The following RASGRF1 variants were observed in gnomAD, a reference collection of about 807,000 sequenced individuals.
The protein encoded by RASGRF1 is ras-specific guanine nucleotide-releasing factor 1.
Under a neutral mutation model 138.7 loss-of-function variants are expected in RASGRF1, and 40 were observed. The observed-to-expected ratio is 0.29, with a 90% CI of 0.22 to 0.38. The LOEUF (loss-of-function observed/expected upper bound fraction) is 0.38, where lower values mean the gene tolerates loss of function less well. Ranked by LOEUF, RASGRF1 falls within the 10% of genes least tolerant of loss-of-function variation. The pLI, the probability that RASGRF1 is intolerant of heterozygous loss-of-function variation, is 1.00. For missense variants in RASGRF1, 1,108 were observed against 1,650.4 expected, an observed-to-expected ratio of 0.67 and a Z score of 5.69; for synonymous variants, 614 against 663.2, an observed-to-expected ratio of 0.93 and a Z score of 1.14.
At chr15:79,071,018 C>A (rs1407484894) in intron 1 of RASGRF1, among the ~76,000 whole-genome samples, 1 of 152,244 alleles carries the variant, frequency 6.6e-6, no homozygotes, top group African/African-American at 2.4e-5. Context: ...TTATCCTCTG[C>A]TGGTCTCCAG....
At chr15:79,045,342 C>T (rs1398478295) in intron 5 of RASGRF1, among the ~76,000 whole-genome samples, 1 of 152,206 alleles carries the variant, frequency 6.6e-6, no homozygotes, top group Non-Finnish European at 1.5e-5. Flanking sequence ...CATTCAAATT[C>T]CAGGTCACTG....
At chr15:78,975,850 A>T (rs773275464) in intron 24 of RASGRF1, among the ~76,000 whole-genome samples, 2 of 152,128 alleles carry the variant, frequency 1.3e-5, no homozygotes, top group Non-Finnish European at 2.9e-5. Context: ...TCATACTCCA[A>T]GTCTGAAGCC....
Position 78,973,988 on chromosome 15 carries a change from C to A in RASGRF1, c.3495-568G>T, listed in dbSNP as rs2055823833. Among the ~76,000 whole-genome samples the A allele has an allele frequency of 6.6e-6, 1 of 152,224 alleles. No individual in the cohort carries two copies. The highest frequency in any genetic ancestry group is 1.5e-5 in the Non-Finnish European group (1 of 68,034). On this transcript the variant is annotated intron_variant, in intron 24 of 26. Transcript: ENST00000558480. This position sits in a 1 kb window ranked among gnomAD's most constrained non-coding sequence, Gnocchi z 4.9. ...GCAGGAAACCCTTGCTCTCTGAGATCACTTTCCTGAAAGTGGCTTTGGGGC... is the reference window on the plus strand; with the variant it reads ...GCAGGAAACCCTTGCTCTCTGAGATAACTTTCCTGAAAGTGGCTTTGGGGC...
Position 78,978,698 on chromosome 15 carries a change from C to T in RASGRF1, c.3494+1922G>A, listed in dbSNP as rs1420521403. 9.7e-6 allele frequency: 10 copies of T among 1,032,380 alleles called. No homozygotes were observed. The African/African-American group carries it at 1.2e-4, about 12-fold the overall frequency. 64.0% of individuals were successfully genotyped at this position (1,032,380 alleles called of 1,614,324 possible). ...CCCGTCCCCTGCCTAGTGAAACAGA[C>T]GCTCAGTATTCATGCAACACCGCTC... On this transcript the variant is annotated intron_variant, in intron 24 of 26. Coordinates refer to ENST00000558480, the MANE Select transcript of RASGRF1 (RefSeq NM_001145648.3).
chr15:79,068,576 A>G (rs529062743), intron 1 of RASGRF1, among the ~76,000 whole-genome samples: 1 of 148,762 alleles, frequency 6.7e-6, no homozygotes, highest in South Asian at 2.1e-4. Context: ...TGTATCATAT[A>G]TATATACATA....
In RASGRF1 at chr15:78,963,408, T is replaced by C. The variant is rs569447357; in HGVS notation, c.3682-1172A>G. On this transcript the variant is annotated intron_variant, in intron 26 of 26. Transcript: ENST00000558480. ...CCTCTGCCTCCCGGGTTCAAGCAAT[T>C]GTCCTGTCTCAGCCTCCTGAGTAGT... 2.6e-5 allele frequency among the ~76,000 whole-genome samples: 4 copies of C among 152,164 alleles called. No homozygotes were observed. In the East Asian group the frequency reaches 7.7e-4, roughly 29 times the overall value.
chr15:79,068,731 C>T (rs1381722907), intron 1 of RASGRF1, among the ~76,000 whole-genome samples: 2 of 152,016 alleles, frequency 1.3e-5, no homozygotes, highest in Non-Finnish European at 2.9e-5. Flanking sequence ...TCTGGATAGG[C>T]CTTGGGTTGT....
At chr15:78,988,415 C>T (rs547616844) in intron 22 of RASGRF1, among the ~76,000 whole-genome samples, 45 of 152,260 alleles carry the variant, frequency 3.0e-4, no homozygotes, top group Middle Eastern at 3.4e-3. Flanking sequence ...TTATGTTTCC[C>T]GAGGCTTGGT....
At chr15:79,079,858 G>T (rs1208506904) in intron 1 of RASGRF1, among the ~76,000 whole-genome samples, 1 of 152,146 alleles carries the variant, frequency 6.6e-6, no homozygotes, top group African/African-American at 2.4e-5. Flanking sequence ...CATTCCCCAG[G>T]CTTCTCCAAG....
rs577416088 is a variant in RASGRF1, at chr15:78,995,780, G to A, written c.2987C>T (p.Pro996Leu). 1.2e-6 allele frequency: 2 copies of A among 1,614,140 alleles called. No individual in the cohort carries two copies. The highest frequency in any genetic ancestry group is 1.7e-5 in the Admixed American group (1 of 60,028). ...NIIRTLTQED[P>L]GDNQITLEEI... is the part of the protein sequence containing the mutation. ...CTCCAGCGTGATCTGGTTGTCACCT[G>A]GGTCCTCCTGGGTCAGAGTCCTAGG... is the stretch of plus-strand genomic sequence containing the variant. Residue 996 changes from proline to leucine, a missense_variant, in exon 20 of 27, where the codon CCA becomes CTA. This residue lies in a region of RASGRF1 where 686 missense variants were observed against 976.7 expected (regional missense o/e 0.70). Coordinates refer to ENST00000558480, the MANE Select transcript of RASGRF1 (RefSeq NM_001145648.3).
chr15:79,003,994 C>T lies in RASGRF1; in HGVS notation c.2257G>A (p.Ala753Thr), dbSNP rs754310235. Residue 753 changes from alanine (A) to threonine (T), a missense_variant, in exon 15 of 27, where the codon GCC becomes ACC. Ala to Thr is a moderately conservative substitution (Grantham distance 58). Coordinates refer to ENST00000558480, the MANE Select transcript of RASGRF1 (RefSeq NM_001145648.3). ...LNIPIITGGK[A>T]LDLAALSCNS... ...CAGCTGAGGGCGGCCAGGTCCAGGGCCTTGCCGCCAGTGATGATGGGGATG... is the reference window on the plus strand; with the variant it reads ...CAGCTGAGGGCGGCCAGGTCCAGGGTCTTGCCGCCAGTGATGATGGGGATG... The T allele has an allele frequency of 1.2e-6, 2 of 1,614,006 alleles. No individual in the cohort carries two copies. The highest frequency in any genetic ancestry group is 1.7e-6 in the Non-Finnish European group (2 of 1,180,016).
intron 1 of RASGRF1, among the ~76,000 whole-genome samples, chr15:79,066,479 AG>A (rs2057682575): frequency 6.6e-6 from 1 of 152,220 alleles, no homozygotes. Flanking sequence ...GGCACAGTGG[AG>A]TTGCTGGGTC....
Position 78,983,123 on chromosome 15 carries a change from C to T in RASGRF1, c.3414+1884G>A, listed in dbSNP as rs567026955. Among the ~76,000 whole-genome samples, 22 of 152,246 alleles carry T rather than the reference C, an allele frequency of 1.4e-4. 1 individual carries two copies. The South Asian group carries it at 1.5e-3, about 10-fold the overall frequency. On this transcript the variant is annotated intron_variant, in intron 23 of 26. Coordinates refer to ENST00000558480, the MANE Select transcript of RASGRF1 (RefSeq NM_001145648.3). ...TAGAGGGTCTCCAGTGTCCATGGGA[C>T]GCCTGTAGAGAGAGAATGAACTGCC... is the stretch of plus-strand genomic sequence containing the variant.
intron 14 of RASGRF1, 45 bp from the exon 15 acceptor site, chr15:79,004,220 C>A: frequency 1.3e-6 from 2 of 1,513,376 alleles, no homozygotes; most frequent in Non-Finnish European, 1.8e-6. Flanking sequence ...CGTAGGCCTG[C>A]CTGCCCGCCT....
At chr15:79,054,753 T>C (rs1221699911) in intron 3 of RASGRF1, among the ~76,000 whole-genome samples, 1 of 152,176 alleles carries the variant, frequency 6.6e-6, no homozygotes, top group Non-Finnish European at 1.5e-5. Flanking sequence ...TTGGAGGGTG[T>C]TACTGCAGCA....
intron 1 of RASGRF1, 47 bp from the exon 2 acceptor site, chr15:79,064,573 C>T (rs1262561578): frequency 6.4e-7 from 1 of 1,553,838 alleles, no homozygotes. Context: ...GTCCATGGGA[C>T]CAACAACGAC....
At chr15:79,043,889 G>A (rs539314507) in intron 5 of RASGRF1, among the ~76,000 whole-genome samples, 13 of 152,156 alleles carry the variant, frequency 8.5e-5, no homozygotes, top group Non-Finnish European at 1.5e-4. Flanking sequence ...TCTGACAAAG[G>A]GTTACTCTTC....
Position 79,078,157 on chromosome 15 carries a change from G to A in RASGRF1, c.276+12066C>T, listed in dbSNP as rs559535054. Reference sequence around the variant, plus strand: ...GGTGTGTGTGTGTGTGTGTGTGCATGCATGTGCGTATGTGTGCACTTGCCC... The same window carrying A: ...GGTGTGTGTGTGTGTGTGTGTGCATACATGTGCGTATGTGTGCACTTGCCC... On this transcript the variant is annotated intron_variant, in intron 1 of 26. Transcript: ENST00000558480. Among the ~76,000 whole-genome samples, 29 of 136,888 alleles carry A rather than the reference G, an allele frequency of 2.1e-4. No homozygotes were observed. In the East Asian group the frequency reaches 6.1e-3, roughly 29 times the overall value. 89.8% of individuals were successfully genotyped at this position (136,888 alleles called of 152,430 possible).
At chr15:79,003,767 G>C in intron 15 of RASGRF1, 35 bp downstream of exon 15, 4 of 1,550,820 alleles carry the variant, frequency 2.6e-6, no homozygotes, top group Non-Finnish European at 3.5e-6. Context: ...GGGGCTGGGA[G>C]GCTGGGGGGC....
Sources: allele counts gnomAD v4.1 joint callset (sites outside exome capture counted in the v4.1 genomes callset), GRCh38; gene constraint gnomAD v4.1.1; regional missense constraint gnomAD v4.1.1; non-coding constraint Gnocchi (gnomAD v3.1); transcripts MANE v1.5; gene names NCBI Gene and HGNC (gene_info 2026-07-23, HGNC 2026-07-21).